Variants in PCNX2 observed in about 807,000 individuals in gnomAD.
PCNX2 encodes pecanex 2.
Under a neutral mutation model 223.8 loss-of-function variants are expected in PCNX2, and 168 were observed. That is an observed-to-expected ratio of 0.75 (90% CI 0.66 to 0.85). The LOEUF is 0.85. Among genes scored for constraint, PCNX2 ranks in the 40% least tolerant of loss-of-function variants. The pLI is 0.00. For synonymous variants in PCNX2, 1,006 were observed against 1,052.6 expected (o/e 0.96, Z 0.86); for missense variants, 2,507 against 2,675.5 (o/e 0.94, Z 1.39).
At chr1:233,074,799 T>C (rs1429779513) in intron 23 of PCNX2, among the ~76,000 whole-genome samples, 1 of 151,908 alleles carries the variant, frequency 6.6e-6, no homozygotes, top group Non-Finnish European at 1.5e-5. Flanking sequence ...ACTATAGAGA[T>C]GGCAAATATG....
At chr1:233,309,085 G>A in the PCNX2 span, among the ~76,000 whole-genome samples, 1 of 152,198 alleles carries the variant, frequency 6.6e-6, no homozygotes, top group Middle Eastern at 3.4e-3. Context: ...TGTTGGGTGG[G>A]TGTGTGATAA....
chr1:233,124,493 C>A (rs935807170), intron 21 of PCNX2, among the ~76,000 whole-genome samples: 4 of 152,176 alleles, frequency 2.6e-5, no homozygotes, highest in Non-Finnish European at 5.9e-5. Flanking sequence ...CTATGACCAC[C>A]ACCTTATTTC....
rs537852716 is a variant in PCNX2, at chr1:233,132,407, G to A, written c.3837+2606C>T. Among the ~76,000 whole-genome samples the A allele has an allele frequency of 8.5e-5, 13 of 152,198 alleles. No homozygotes were observed. In the South Asian group the frequency reaches 1.5e-3, roughly 17 times the overall value. On this transcript the variant is annotated intron_variant, in intron 21 of 33. Transcript: ENST00000258229. ...GCCCCTTTGGTGAGATGCCCACTTCGAGCCACATATTTTTGTCAGTGGACT... is the reference window on the plus strand; with the variant it reads ...GCCCCTTTGGTGAGATGCCCACTTCAAGCCACATATTTTTGTCAGTGGACT...
upstream of PCNX2, among the ~76,000 whole-genome samples, chr1:233,300,163 T>C (rs996882192): frequency 6.6e-6 from 1 of 152,226 alleles, no homozygotes; most frequent in Non-Finnish European, 1.5e-5. Context: ...TACCAATAAA[T>C]TTTGAGAGAA....
chr1:233,203,091 T>A (rs891799774), intron 13 of PCNX2, among the ~76,000 whole-genome samples: 1 of 152,188 alleles, frequency 6.6e-6, no homozygotes, highest in Non-Finnish European at 1.5e-5. Flanking sequence ...ATTTTAAGGA[T>A]CTGAAGCTAT....
chr1:233,208,393 GC>G (rs1240642337), intron 13 of PCNX2, 124 bp downstream of exon 13: 3 of 1,059,344 alleles, frequency 2.8e-6, no homozygotes, highest in Non-Finnish European at 2.7e-6. Context: ...AGATATGCAA[GC>G]CAAGAGGAAA....
intron 17 of PCNX2, among the ~76,000 whole-genome samples, chr1:233,175,071 G>C (rs1327209691): frequency 6.6e-6 from 1 of 152,070 alleles, no homozygotes; most frequent in African/African-American, 2.4e-5. Flanking sequence ...CTCCCTGAGG[G>C]GTTCTCATAC....
intron 23 of PCNX2, among the ~76,000 whole-genome samples, chr1:233,078,261 G>C (rs1261819665): frequency 6.6e-6 from 1 of 152,204 alleles, no homozygotes; most frequent in African/African-American, 2.4e-5. Context: ...GTCACTTGGA[G>C]TATTGGCCGA....
chr1:233,216,243 C>T (rs184995790), intron 12 of PCNX2, among the ~76,000 whole-genome samples: 56 of 152,282 alleles, frequency 3.7e-4, no homozygotes, highest in African/African-American at 1.3e-3. Context: ...GCACCCACCC[C>T]GTAGGCCACC....
At position 233,258,641 on chromosome 1, in the gene PCNX2, C is replaced by A; in HGVS notation, c.1221G>T (p.Lys407Asn). ...CTGGGTTAGTGGGCTCAGCGTCAGACTTTACACTGGTCTTCTCTGTGCCAA... is the reference window on the plus strand; with the variant it reads ...CTGGGTTAGTGGGCTCAGCGTCAGAATTTACACTGGTCTTCTCTGTGCCAA... ...RVVGTEKTSV[K>N]SDAEPTNPGA... The change falls in exon 5 of 34, where the codon AAG becomes AAT. Residue 407 changes from lysine (K) to asparagine (N), a missense_variant. Transcript: ENST00000258229. 3 of 1,613,980 alleles carry A rather than the reference C, an allele frequency of 1.9e-6. No homozygotes were observed. Among genetic ancestry groups the A allele is most frequent in the Non-Finnish European group, 2.5e-6 (3 of 1,179,880 alleles).
At chr1:233,043,259 C>CT (rs1263769330) in intron 25 of PCNX2, among the ~76,000 whole-genome samples, 1 of 152,186 alleles carries the variant, frequency 6.6e-6, no homozygotes, top group African/African-American at 2.4e-5. Context: ...TCAACCCTCA[C>CT]TTTCCCATCT....
intron 1 of PCNX2, chr1:233,290,620 T>C: frequency 1.9e-6 from 1 of 530,916 alleles, no homozygotes; most frequent in Non-Finnish European, 2.4e-6. Flanking sequence ...TGTCACCAAT[T>C]AGCTGTAATA....
chr1:233,173,709 T>C (rs1447187638), intron 17 of PCNX2, among the ~76,000 whole-genome samples: 4 of 152,222 alleles, frequency 2.6e-5, no homozygotes, highest in Non-Finnish European at 4.4e-5. Flanking sequence ...TCTCCACTTA[T>C]TCAGAACATC....
At chr1:233,093,013 A>T (rs545782431) in intron 22 of PCNX2, among the ~76,000 whole-genome samples, 22 of 152,072 alleles carry the variant, frequency 1.4e-4, no homozygotes, top group African/African-American at 4.8e-4. Flanking sequence ...GTTAGCCAGG[A>T]TGGTCTCAAT....
chr1:233,155,789 G>A (rs962821710), intron 19 of PCNX2, among the ~76,000 whole-genome samples: 3 of 151,990 alleles, frequency 2.0e-5, no homozygotes, highest in Non-Finnish European at 4.4e-5. Flanking sequence ...TTTATGACTG[G>A]GATCAATCAA....
At chr1:233,127,126 A>G (rs1411258670) in intron 21 of PCNX2, among the ~76,000 whole-genome samples, 8 of 152,132 alleles carry the variant, frequency 5.3e-5, no homozygotes, top group Non-Finnish European at 1.0e-4. Context: ...ACTTCCACAA[A>G]GAGATATTTC....
chr1:233,202,998 A>G (rs1681216211), intron 13 of PCNX2, among the ~76,000 whole-genome samples: 1 of 152,162 alleles, frequency 6.6e-6, no homozygotes, highest in South Asian at 2.1e-4. Context: ...CTTTGTACTG[A>G]GCTGTAACCC....
chr1:233,007,667 A>G (rs977337262), intron 28 of PCNX2, among the ~76,000 whole-genome samples: 1 of 151,998 alleles, frequency 6.6e-6, no homozygotes, highest in African/African-American at 2.4e-5. Context: ...CCTCCCGAGT[A>G]GCTGGGATTA....
chr1:233,076,791 CT>C (rs1364186420), intron 23 of PCNX2, among the ~76,000 whole-genome samples: 1 of 152,144 alleles, frequency 6.6e-6, no homozygotes, highest in African/African-American at 2.4e-5. Flanking sequence ...AGTTTGACAT[CT>C]CATGTTTGCA....
Sources: allele counts gnomAD v4.1 joint callset (sites outside exome capture counted in the v4.1 genomes callset), GRCh38; gene constraint gnomAD v4.1.1; transcripts MANE v1.5; gene names NCBI Gene and HGNC (gene_info 2026-07-23, HGNC 2026-07-21).